USH2A: variants seen among roughly 807,000 people sequenced by gnomAD.
USH2A encodes usherin, also known as Usher syndrome 2A (autosomal recessive, mild).
A neutral mutation model predicts 538.9 loss-of-function variants in USH2A; 443 were observed. That is an observed-to-expected ratio of 0.82 (90% CI 0.76 to 0.89). The LOEUF (loss-of-function observed/expected upper bound fraction) is 0.89, where lower values mean the gene tolerates loss of function less well. USH2A is among the 40% of genes least tolerant of loss of function. The probability of loss-of-function intolerance (pLI) is 0.00; values close to 1 mark genes in which losing one functional copy is unlikely to be tolerated. For missense variants in USH2A, 6,633 were observed against 6,324.8 expected, an observed-to-expected ratio of 1.05 and a Z score of -1.65; for synonymous variants, 2,413 against 2,273.5, an observed-to-expected ratio of 1.06 and a Z score of -1.75.
chr1:216,276,441 CAGG>C (rs2036671651), intron 11 of USH2A, among the ~76,000 whole-genome samples: 1 of 152,086 alleles, frequency 6.6e-6, no homozygotes, highest in African/African-American at 2.4e-5. Context: ...ACGTCCAGTC[CAGG>C]AGAATAATAG....
intron 60 of USH2A, 130 bp from the exon 61 acceptor site, chr1:215,728,514 T>C: frequency 2.2e-6 from 2 of 919,160 alleles, no homozygotes; most frequent in Non-Finnish European, 3.3e-6. Context: ...CCTGGTGTCA[T>C]AGTAAAGAAA....
At chr1:216,077,467 T>G (rs921830086) in intron 27 of USH2A, among the ~76,000 whole-genome samples, 10 of 151,026 alleles carry the variant, frequency 6.6e-5, no homozygotes, top group Non-Finnish European at 1.5e-5. Context: ...TGCATTGATA[T>G]TTTTTACTAG....
chr1:215,696,534 A>C (rs552198592), intron 61 of USH2A, among the ~76,000 whole-genome samples: 1 of 152,028 alleles, frequency 6.6e-6, no homozygotes, highest in African/African-American at 2.4e-5. Flanking sequence ...ACCAATTGTC[A>C]GTCTAAACAA....
intron 3 of USH2A, among the ~76,000 whole-genome samples, chr1:216,369,754 A>AATAT (rs1462717837): frequency 6.6e-6 from 1 of 150,632 alleles, no homozygotes; most frequent in Non-Finnish European, 1.5e-5. Context: ...GTACTTAAAA[A>AATAT]ATATATATAT....
intron 11 of USH2A, among the ~76,000 whole-genome samples, chr1:216,279,068 T>C (rs1018862736): frequency 1.3e-5 from 2 of 152,176 alleles, no homozygotes; most frequent in Admixed American, 6.6e-5. Flanking sequence ...CAGTTTCCTT[T>C]CTTATTAATC....
intron 70 of USH2A, among the ~76,000 whole-genome samples, chr1:215,633,061 T>C (rs1363890634): frequency 2.0e-5 from 3 of 152,074 alleles, no homozygotes; most frequent in African/African-American, 7.2e-5. Context: ...TCTGACTTAG[T>C]GTTATGTGGT....
intron 47 of USH2A, among the ~76,000 whole-genome samples, chr1:215,831,731 CA>C (rs1571728511): frequency 6.6e-6 from 1 of 151,798 alleles, no homozygotes; most frequent in East Asian, 1.9e-4. Context: ...AGAAAGGTCT[CA>C]AATCAATAAT....
intron 11 of USH2A, among the ~76,000 whole-genome samples, chr1:216,273,112 AC>A (rs1332219650): frequency 6.6e-6 from 1 of 152,166 alleles, no homozygotes; most frequent in Non-Finnish European, 1.5e-5. Context: ...ACCAGCAGTC[AC>A]AAAACCTGCA....
Position 215,743,236 on chromosome 1 carries a change from A to C in USH2A, c.11489T>G (p.Leu3830Arg), listed in dbSNP as rs1660355856. ...AFSVGHHQST[L>R]LENLTPFTQY... ...TGTGAATGGAGTCAAATTTTCCAGA[A>C]GGGTGGATTGATGATGACCAACGGA... The change falls in exon 59 of 72, where the codon CTT (leucine) becomes CGT (arginine). Residue 3830 changes from leucine to arginine, a missense_variant. Physicochemically the swap from Leu to Arg is moderately radical, Grantham distance 102. Coordinates refer to ENST00000307340, the MANE Select transcript of USH2A (RefSeq NM_206933.4). 6.2e-7 allele frequency: 1 copy of C among 1,612,680 alleles called. No individual in the cohort carries two copies. The highest frequency in any genetic ancestry group is 2.2e-5 in the East Asian group (1 of 44,756).
At chr1:216,184,064 AAAC>A (rs1326063718) in intron 20 of USH2A, among the ~76,000 whole-genome samples, 1 of 152,152 alleles carries the variant, frequency 6.6e-6, no homozygotes, top group African/African-American at 2.4e-5. Flanking sequence ...TGCTGCCTGA[AAAC>A]AATTGGTGGG....
chr1:216,174,878 A>G (rs2034343524), intron 21 of USH2A: 3 of 1,071,484 alleles, frequency 2.8e-6, no homozygotes, highest in Admixed American at 4.8e-5. Context: ...AACGGGGTGC[A>G]TACTGAGAAT....
intron 9 of USH2A, among the ~76,000 whole-genome samples, chr1:216,307,392 A>G (rs149166428): frequency 1.1e-3 from 162 of 152,244 alleles, no homozygotes; most frequent in African/African-American, 3.8e-3. Context: ...ATGCAACCCA[A>G]AAGGCCAGTC....
intron 61 of USH2A, among the ~76,000 whole-genome samples, chr1:215,712,957 C>T (rs1659381401): frequency 6.6e-6 from 1 of 152,026 alleles, no homozygotes; most frequent in South Asian, 2.1e-4. Context: ...CAGGTGCCCA[C>T]CACCATGCCC....
intron 21 of USH2A, among the ~76,000 whole-genome samples, chr1:216,105,546 T>TA (rs1480716126): frequency 1.3e-5 from 2 of 152,104 alleles, no homozygotes; most frequent in Non-Finnish European, 2.9e-5. Flanking sequence ...AATCTTGAAA[T>TA]AAGATGGCTC....
intron 30 of USH2A, among the ~76,000 whole-genome samples, chr1:216,067,250 G>A (rs932312840): frequency 3.9e-5 from 6 of 152,118 alleles, no homozygotes; most frequent in East Asian, 3.9e-4. Context: ...ATCACATATC[G>A]GGGCCTGTCG....
At chr1:216,147,666 G>T (rs201991876) in intron 21 of USH2A, among the ~76,000 whole-genome samples, 3 of 150,176 alleles carry the variant, frequency 2.0e-5, no homozygotes, top group Non-Finnish European at 3.0e-5. Flanking sequence ...AATTAACCTC[G>T]CCTTCAAGGT....
chr1:215,815,491 G>T, intron 48 of USH2A, among the ~76,000 whole-genome samples: 1 of 150,598 alleles, frequency 6.6e-6, no homozygotes, highest in Admixed American at 6.6e-5. Flanking sequence ...GTCATTCACT[G>T]AATTTAGGAA....
At chr1:216,413,952 T>C (rs1268772495) in intron 3 of USH2A, among the ~76,000 whole-genome samples, 1 of 152,110 alleles carries the variant, frequency 6.6e-6, no homozygotes, top group Non-Finnish European at 1.5e-5. Flanking sequence ...CCCTAAAGTT[T>C]TACTTTTAAA....
At chr1:215,992,952 G>T (rs1668035892) in intron 35 of USH2A, 68 bp downstream of exon 35, 1 of 1,604,862 alleles carries the variant, frequency 6.2e-7, no homozygotes. Flanking sequence ...CATATAAGCT[G>T]CCATTTAGAA....
Sources: allele counts gnomAD v4.1 joint callset (sites outside exome capture counted in the v4.1 genomes callset), GRCh38; gene constraint gnomAD v4.1.1; transcripts MANE v1.5; gene names NCBI Gene and HGNC (gene_info 2026-07-23, HGNC 2026-07-21).